OR7D2: variants seen among roughly 807,000 people sequenced by gnomAD.
OR7D2 encodes olfactory receptor family 7 subfamily D member 2.
For missense variants in OR7D2, 370 were observed against 384.1 expected (o/e 0.96, Z 0.31); for synonymous variants, 158 against 158.7 (o/e 1.00, Z 0.03).
At chr19:9,179,701 T>C (rs928694891) in intron 1 of OR7D2, among the ~76,000 whole-genome samples, 2 of 152,072 alleles carry the variant, frequency 1.3e-5, no homozygotes, top group Non-Finnish European at 2.9e-5. Flanking sequence ...CTTTTTCTTC[T>C]CTAGTATAAT....
At position 9,185,652 on chromosome 19, in the gene OR7D2, T is replaced by C. The variant is rs2051024842; in HGVS notation, c.-13-117T>C. ...AGGCTGGAGTGCAGTGGTGTAAACA[T>C]AGCTCCCTGCAGTTGCAAATTCCTG... On this transcript the variant is annotated intron_variant, in intron 2 of 2. Transcript: ENST00000641288. 5 of 595,280 alleles carry C rather than the reference T, an allele frequency of 8.4e-6. No individual in the cohort carries two copies. In the East Asian group the frequency reaches 1.1e-4, roughly 13 times the overall value. 36.9% of individuals were successfully genotyped at this position (595,280 alleles called of 1,614,324 possible). A position where few individuals can be genotyped will look rare whatever the true frequency, so the allele number is the denominator to read the frequency against.
chr19:9,185,772 C>T lies in OR7D2; in HGVS notation c.-10C>T. ...CTAATGACCTCTTCTTTTGTAGATA[C>T]ATCAGCTACATGGAAGCAGGAAACC... On this transcript the variant is annotated 5_prime_UTR_variant, in exon 3 of 3. Coordinates refer to ENST00000641288, the MANE Select transcript of OR7D2 (RefSeq NM_175883.4). The T allele has an allele frequency of 1.9e-6, 3 of 1,552,078 alleles. No homozygotes were observed. The highest frequency in any genetic ancestry group is 2.6e-6 in the Non-Finnish European group (3 of 1,145,064).
chr19:9,186,682 C>T lies in OR7D2; in HGVS notation c.901C>T (p.Leu301=). 2 of 1,613,424 alleles carry T rather than the reference C, an allele frequency of 1.2e-6. No individual in the cohort carries two copies. Among genetic ancestry groups the T allele is most frequent in the Non-Finnish European group, 1.7e-6 (2 of 1,179,712 alleles). Residue 301 remains leucine, a synonymous_variant, in exon 3 of 3, where the codon CTG becomes TTG. Transcript: ENST00000641288. ...SLRNKDVKGA[L]GSLLSRAASC... is the part of the protein sequence containing the mutation. The stretch of plus-strand genomic sequence containing the variant: ...GAGGAACAAGGATGTGAAGGGAGCC[C>T]TGGGGAGTCTCCTCAGCAGGGCAGC...
Position 9,186,257 on chromosome 19 carries a change from A to T in OR7D2, c.476A>T (p.His159Leu). ...WLIGVMTSLL[H>L]ISLMMHLIFC... Reference sequence around the variant, plus strand: ...ATTGGTGTCATGACATCCCTCCTCCATATTTCTCTGATGATGCATCTAATC... The same window carrying T: ...ATTGGTGTCATGACATCCCTCCTCCTTATTTCTCTGATGATGCATCTAATC... Residue 159 changes from histidine (H) to leucine (L), a missense_variant, in exon 3 of 3, where the codon CAT becomes CTT. Coordinates refer to ENST00000641288, the MANE Select transcript of OR7D2 (RefSeq NM_175883.4). 6.2e-7 allele frequency: 1 copy of T among 1,613,930 alleles called. No individual in the cohort carries two copies. Among genetic ancestry groups the T allele is most frequent in the Non-Finnish European group, 8.5e-7 (1 of 1,179,976 alleles).
At chr19:9,185,554 A>G in intron 2 of OR7D2, 1 of 176,442 alleles carries the variant, frequency 5.7e-6, no homozygotes, top group Middle Eastern at 2.5e-3. Context: ...TAAAATAAAT[A>G]CATATATACA....
intron 2 of OR7D2, among the ~76,000 whole-genome samples, chr19:9,181,310 ATTTT>A (rs1009739123): frequency 6.6e-6 from 1 of 150,734 alleles, no homozygotes; most frequent in Non-Finnish European, 1.5e-5. Flanking sequence ...TTTATATTTT[ATTTT>A]TTTATTTCTT....
At chr19:9,180,882 T>C (rs920231573) in intron 2 of OR7D2, 94 bp downstream of exon 2, 1 of 152,118 alleles carries the variant, frequency 6.6e-6, no homozygotes. Context: ...CCCAGCACTT[T>C]AGGAGGCTGA....
chr19:9,187,247 C>T lies in OR7D2; in HGVS notation c.*527C>T, dbSNP rs1417744197. The stretch of plus-strand genomic sequence containing the variant: ...ACTCCCCTCTCACCTTTTGCAGTCT[C>T]CAGTGTCCATTATTCTGTTATAATG... On this transcript the variant is annotated 3_prime_UTR_variant, in exon 3 of 3. Transcript: ENST00000641288. 1.2e-5 allele frequency: 2 copies of T among 167,938 alleles called. No homozygotes were observed. The highest frequency in any genetic ancestry group is 6.5e-5 in the Admixed American group (1 of 15,376). The allele number at this position is 167,938 out of a possible 1,614,324, so 10.4% of individuals were successfully genotyped here. A position where few individuals can be genotyped will look rare whatever the true frequency, so the allele number is the denominator to read the frequency against.
chr19:9,179,654 T>C (rs16978671), intron 1 of OR7D2, among the ~76,000 whole-genome samples: 5,624 of 152,268 alleles, frequency 0.037, 340 homozygotes, highest in African/African-American at 0.13. Context: ...GGCACTTCCT[T>C]GAGTGGATTC....
intron 1 of OR7D2, among the ~76,000 whole-genome samples, chr19:9,180,139 T>C (rs2050979846): frequency 6.6e-6 from 1 of 152,210 alleles, no homozygotes; most frequent in South Asian, 2.1e-4. Context: ...TCATGGCTGT[T>C]TGCAGATACA....
chr19:9,186,891 AC>A lies in OR7D2; in HGVS notation c.*173del. The stretch of plus-strand genomic sequence containing the variant: ...AGGGTGAAGTCTGAGCTTTTGGCGT[AC>A]CAATTACCTGAATAGTGAACATAAG... On this transcript the variant is annotated 3_prime_UTR_variant, in exon 3 of 3. Transcript: ENST00000641288. The A allele has an allele frequency of 1.8e-6, 1 of 545,986 alleles. No individual in the cohort carries two copies. The highest frequency in any genetic ancestry group is 3.4e-5 in the South Asian group (1 of 29,232). The allele number at this position is 545,986 out of a possible 1,614,324, so 33.8% of individuals were successfully genotyped here.
In OR7D2 at chr19:9,184,584, C is replaced by T. The variant is rs147184959; in HGVS notation, c.-13-1185C>T. 9.8e-3 allele frequency among the ~76,000 whole-genome samples: 1,488 copies of T among 152,188 alleles called. 9 individuals carry two copies. The highest frequency in any genetic ancestry group is 0.015 in the Non-Finnish European group (1,000 of 68,014). On this transcript the variant is annotated intron_variant, in intron 2 of 2. Coordinates refer to ENST00000641288, the MANE Select transcript of OR7D2 (RefSeq NM_175883.4). Reference sequence around the variant, plus strand: ...ATCCAAAGAAAATGAAATTGCCACTCGTAAAGATATCTGCATGCTCATGTT... The same window carrying T: ...ATCCAAAGAAAATGAAATTGCCACTTGTAAAGATATCTGCATGCTCATGTT...
In OR7D2 at chr19:9,186,588, G is replaced by GA; in HGVS notation, c.811dup (p.Ile271AsnfsTer65). ...CTTCTGCGGTGACTCACTCTTCCCAGAAAATCTCCGTGGCCTCGGTGATGT... is the reference window on the plus strand; with the variant it reads ...CTTCTGCGGTGACTCACTCTTCCCAGAAAAATCTCCGTGGCCTCGGTGATGT... On this transcript the variant is annotated frameshift_variant, in exon 3 of 3. Transcript: ENST00000641288. LOFTEE classifies it low-confidence loss of function (END_TRUNC). 6.2e-7 allele frequency: 1 copy of GA among 1,613,990 alleles called. No homozygotes were observed. Among genetic ancestry groups the GA allele is most frequent in the Admixed American group, 1.7e-5 (1 of 60,002 alleles).
At chr19:9,184,439 T>G (rs773580299) in intron 2 of OR7D2, among the ~76,000 whole-genome samples, 1 of 151,366 alleles carries the variant, frequency 6.6e-6, no homozygotes, top group Non-Finnish European at 1.5e-5. Flanking sequence ...GAAATTAAAA[T>G]TTTGAGACTC....
chr19:9,180,068 C>G (rs1259673310), intron 1 of OR7D2, among the ~76,000 whole-genome samples: 1 of 151,940 alleles, frequency 6.6e-6, no homozygotes, highest in Non-Finnish European at 1.5e-5. Context: ...TCACTCTGCA[C>G]CAGATGTTAC....
rs925433975 is a variant in OR7D2 at position 9,187,472 on chromosome 19, T to C, written c.*752T>C. 19 of 164,944 alleles carry C rather than the reference T, an allele frequency of 1.2e-4. No individual in the cohort carries two copies. The highest frequency in any genetic ancestry group is 4.5e-4 in the African/African-American group (18 of 40,384). 10.2% of individuals were successfully genotyped at this position (164,944 alleles called of 1,614,324 possible). A position where few individuals can be genotyped will look rare whatever the true frequency, so the allele number is the denominator to read the frequency against. ...ATATCTATATAGATATAGACATATG[T>C]AGATACATACCATGTTTTCTTTTTT... On this transcript the variant is annotated 3_prime_UTR_variant, in exon 3 of 3. Coordinates refer to ENST00000641288, the MANE Select transcript of OR7D2 (RefSeq NM_175883.4).
Position 9,187,876 on chromosome 19 carries a change from A to G in OR7D2, c.*1156A>G, listed in dbSNP as rs557279819. On this transcript the variant is annotated 3_prime_UTR_variant, in exon 3 of 3. Coordinates refer to ENST00000641288, the MANE Select transcript of OR7D2 (RefSeq NM_175883.4). ...AAAAGACATTATTTGGTTCCTTTTTATGGATAAGTAGTATTCCATGCTGTA... is the reference window on the plus strand; with the variant it reads ...AAAAGACATTATTTGGTTCCTTTTTGTGGATAAGTAGTATTCCATGCTGTA... 1.2e-5 allele frequency: 2 copies of G among 164,290 alleles called. No homozygotes were observed. Among genetic ancestry groups the G allele is most frequent in the East Asian group, 3.9e-4 (2 of 5,188 alleles). The allele number at this position is 164,290 out of a possible 1,614,324, so 10.2% of individuals were successfully genotyped here.
chr19:9,184,699 G>A (rs1229628713), intron 2 of OR7D2, among the ~76,000 whole-genome samples: 1 of 151,876 alleles, frequency 6.6e-6, no homozygotes. Context: ...TGATATATAT[G>A]TATATGTACA....
At position 9,186,066 on chromosome 19, in the gene OR7D2, G is replaced by A. The variant is rs753185564; in HGVS notation, c.285G>A (p.Met95Ile). The A allele has an allele frequency of 4.3e-6, 7 of 1,613,884 alleles. No individual in the cohort carries two copies. In the East Asian group the frequency reaches 1.3e-4, roughly 31 times the overall value. ...CCGAGAACAAAGCCATCTCCTACAT[G>A]GACTGCCTCACACAGGTCTATTTCT... Reference protein sequence around the residue: ...IQTENKAISYMDCLTQVYFSM... With the variant: ...IQTENKAISYIDCLTQVYFSM... Residue 95 changes from methionine to isoleucine, a missense_variant, in exon 3 of 3, where the codon ATG (methionine) becomes ATA (isoleucine). Transcript: ENST00000641288.
Sources: gnomAD v4.1 joint callset for allele counts (sites outside exome capture counted in the v4.1 genomes callset) on GRCh38, gnomAD v4.1.1 for gene constraint, MANE v1.5 for transcripts, NCBI Gene and HGNC (gene_info 2026-07-23, HGNC 2026-07-21) for gene names.